The following NCEH1 variants were observed in gnomAD, a reference collection of about 807,000 sequenced individuals.
The protein encoded by NCEH1 is neutral cholesterol ester hydrolase 1.
In NCEH1, 9 loss-of-function variants were observed where a neutral mutation model predicts 25.4. That is an observed-to-expected ratio of 0.35 (90% confidence interval 0.21 to 0.62). NCEH1 has a LOEUF of 0.62. Ranked by LOEUF, NCEH1 falls within the 20% of genes least tolerant of loss-of-function variation. NCEH1 has a pLI of 0.72. For missense variants in NCEH1, 412 were observed against 501.1 expected (o/e 0.82, Z 1.70); for synonymous variants, 200 against 199.8 (o/e 1.00, Z -0.01).
chr3:172,631,577 G>A lies in NCEH1; in HGVS notation c.*1898C>T, dbSNP rs1283078984. The A allele has an allele frequency of 2.0e-5, 3 of 152,618 alleles. No homozygotes were observed. The highest frequency in any genetic ancestry group is 2.1e-4 in the South Asian group (1 of 4,830). The allele number at this position is 152,618 out of a possible 1,614,324, so 9.5% of individuals were successfully genotyped here. A position where few individuals can be genotyped will look rare whatever the true frequency, so the allele number is the denominator to read the frequency against. On this transcript the variant is annotated 3_prime_UTR_variant, in exon 5 of 5. Coordinates refer to ENST00000475381, the MANE Select transcript of NCEH1 (RefSeq NM_020792.6). ...CTTTGATTTTAGAGGGAGGAAAGACGAGGCCCAGAGATGGGAAGTGGCTTG... is the reference window on the plus strand; with the variant it reads ...CTTTGATTTTAGAGGGAGGAAAGACAAGGCCCAGAGATGGGAAGTGGCTTG...
chr3:172,652,783 C>T (rs1717463044), intron 1 of NCEH1, among the ~76,000 whole-genome samples: 1 of 152,090 alleles, frequency 6.6e-6, no homozygotes, highest in Non-Finnish European at 1.5e-5. Context: ...ACAACCTTTG[C>T]CTCCCTGGTT....
intron 1 of NCEH1, among the ~76,000 whole-genome samples, chr3:172,653,745 T>TTTTTTG (rs1479291522): frequency 4.8e-4 from 33 of 68,226 alleles, no homozygotes; most frequent in African/African-American, 2.8e-3. Flanking sequence ...GTTTTTTTTG[T>TTTTTTG]TTTTTTGTTT....
At chr3:172,648,626 T>C (rs1041115029) in intron 1 of NCEH1, among the ~76,000 whole-genome samples, 1 of 152,226 alleles carries the variant, frequency 6.6e-6, no homozygotes, top group Non-Finnish European at 1.5e-5. Flanking sequence ...AACTTCAATA[T>C]ATTTAATTGT....
At chr3:172,695,757 AAAATGGTG>A (rs1713326309) in intron 1 of NCEH1, among the ~76,000 whole-genome samples, 1 of 152,086 alleles carries the variant, frequency 6.6e-6, no homozygotes, top group Admixed American at 6.6e-5. Flanking sequence ...CAGCCTGGCC[AAAATGGTG>A]AAATGCTGTC....
Position 172,631,570 on chromosome 3 carries a change from G to A in NCEH1, c.*1905C>T, listed in dbSNP as rs1430910457. 2.3e-4 allele frequency: 35 copies of A among 152,724 alleles called. No homozygotes were observed. The highest frequency in any genetic ancestry group is 1.5e-5 in the Non-Finnish European group (1 of 68,026). The allele number at this position is 152,724 out of a possible 1,614,324, so 9.5% of individuals were successfully genotyped here. ...TTCAGCTCTTTGATTTTAGAGGGAG[G>A]AAAGACGAGGCCCAGAGATGGGAAG... is the stretch of plus-strand genomic sequence containing the variant. On this transcript the variant is annotated 3_prime_UTR_variant, in exon 5 of 5. Transcript: ENST00000475381.
intron 1 of NCEH1, among the ~76,000 whole-genome samples, chr3:172,649,350 G>T (rs1445620350): frequency 6.6e-6 from 1 of 151,986 alleles, no homozygotes; most frequent in Non-Finnish European, 1.5e-5. Context: ...AGAACAAGAG[G>T]CAGTTAATCA....
At chr3:172,659,733 T>G (rs1717879996) in intron 1 of NCEH1, among the ~76,000 whole-genome samples, 1 of 152,194 alleles carries the variant, frequency 6.6e-6, no homozygotes, top group African/African-American at 2.4e-5. Context: ...AAAGGGAAAC[T>G]AAGGCCCAGA....
At chr3:172,659,860 C>T (rs1414994475) in intron 1 of NCEH1, among the ~76,000 whole-genome samples, 2 of 152,160 alleles carry the variant, frequency 1.3e-5, no homozygotes, top group African/African-American at 4.8e-5. Flanking sequence ...TCCTCAACAG[C>T]ACATCACTCT....
At chr3:172,643,255 A>T (rs937383455) in intron 3 of NCEH1, among the ~76,000 whole-genome samples, 2 of 151,930 alleles carry the variant, frequency 1.3e-5, no homozygotes, top group South Asian at 2.1e-4. Context: ...TTTGTTTTTT[A>T]AAAAATAGGG....
intron 1 of NCEH1, among the ~76,000 whole-genome samples, chr3:172,710,298 T>C (rs1220858620): frequency 2.6e-5 from 4 of 152,226 alleles, no homozygotes; most frequent in African/African-American, 7.2e-5. Context: ...GAGAGATCCC[T>C]ATGGTTCCTC....
chr3:172,706,499 CTTT>C (rs768288361), intron 1 of NCEH1, among the ~76,000 whole-genome samples: 1 of 126,456 alleles, frequency 7.9e-6, no homozygotes. Context: ...TTACATTTTT[CTTT>C]TTTTTTTTTT....
intron 1 of NCEH1, among the ~76,000 whole-genome samples, chr3:172,707,723 C>T (rs1459042648): frequency 6.6e-6 from 1 of 152,146 alleles, no homozygotes; most frequent in African/African-American, 2.4e-5. Context: ...GTAGCCGGGA[C>T]TACAGGAGCC....
At chr3:172,658,052 G>C (rs1351392168) in intron 1 of NCEH1, among the ~76,000 whole-genome samples, 1 of 152,176 alleles carries the variant, frequency 6.6e-6, no homozygotes, top group Non-Finnish European at 1.5e-5. Flanking sequence ...GTCACAGGAT[G>C]AGACAGGAGG....
Position 172,667,284 on chromosome 3 carries a change from AG to A in NCEH1, c.139-19171del, listed in dbSNP as rs779691945. On this transcript the variant is annotated intron_variant, in intron 1 of 4. Transcript: ENST00000475381. ...GTACTTAATTAGTAAGGGGATTTTA[AG>A]TACGGAAGTTAACCAGAACCATTTT... Among the ~76,000 whole-genome samples the A allele has an allele frequency of 3.3e-5, 5 of 152,358 alleles. No homozygotes were observed. In the South Asian group the frequency reaches 6.2e-4, roughly 19 times the overall value.
Position 172,700,639 on chromosome 3 carries a change from C to T in NCEH1, c.138+10208G>A, listed in dbSNP as rs148087850. Among the ~76,000 whole-genome samples the T allele has an allele frequency of 9.7e-3, 1,479 of 152,242 alleles. 16 individuals are homozygous for T. Among genetic ancestry groups the T allele is most frequent in the Non-Finnish European group, 0.015 (1,002 of 68,008 alleles). On this transcript the variant is annotated intron_variant, in intron 1 of 4. Coordinates refer to ENST00000475381, the MANE Select transcript of NCEH1 (RefSeq NM_020792.6). The stretch of plus-strand genomic sequence containing the variant: ...CCTCAGTCTCCCCAGTAGCTGAGAT[C>T]ATGTGCCACCACATCTGGCTAACTA...
intron 1 of NCEH1, among the ~76,000 whole-genome samples, chr3:172,668,485 G>A (rs557742043): frequency 5.1e-4 from 76 of 150,396 alleles, no homozygotes; most frequent in Non-Finnish European, 9.0e-4. Context: ...CTCCTGAGTA[G>A]CTGGGACTAC....
chr3:172,687,675 G>A (rs985791200), intron 1 of NCEH1, among the ~76,000 whole-genome samples: 5 of 152,172 alleles, frequency 3.3e-5, no homozygotes, highest in Admixed American at 1.3e-4. Flanking sequence ...AGCCACAGGC[G>A]ATTACATGAC....
chr3:172,632,331 T>G lies in NCEH1; in HGVS notation c.*1144A>C, dbSNP rs558068342. On this transcript the variant is annotated 3_prime_UTR_variant, in exon 5 of 5. Transcript: ENST00000475381. ...AACTGTAGGGAAGGTTTTAAAACCC[T>G]AAGGCAGTTTTTTAAAAAATACCAT... 3.3e-5 allele frequency: 5 copies of G among 152,418 alleles called. No individual in the cohort carries two copies. The South Asian group carries it at 1.0e-3, about 32-fold the overall frequency. The allele number at this position is 152,418 out of a possible 1,614,324, so 9.4% of individuals were successfully genotyped here.
chr3:172,650,868 G>A (rs1296176543), intron 1 of NCEH1, among the ~76,000 whole-genome samples: 2 of 148,684 alleles, frequency 1.3e-5, no homozygotes, highest in Non-Finnish European at 3.0e-5. Context: ...GTAAAAGACA[G>A]GAATATGAAA....
Sources: gnomAD v4.1 joint callset for allele counts (sites outside exome capture counted in the v4.1 genomes callset) on GRCh38, gnomAD v4.1.1 for gene constraint, MANE v1.5 for transcripts, NCBI Gene and HGNC (gene_info 2026-07-23, HGNC 2026-07-21) for gene names.